PTPRD: variants seen among roughly 807,000 people sequenced by gnomAD.
The protein encoded by PTPRD is protein tyrosine phosphatase receptor type D, also known as receptor-type tyrosine-protein phosphatase delta.
In PTPRD, 34 loss-of-function variants were observed where a neutral mutation model predicts 214.5. The observed-to-expected ratio is 0.16, with a 90% CI of 0.12 to 0.21. PTPRD has a LOEUF of 0.21. Among genes scored for constraint, PTPRD ranks in the 10% least tolerant of loss-of-function variants. PTPRD has a pLI of 1.00. For synonymous variants in PTPRD, 1,128 were observed against 845.7 expected (o/e 1.33, Z -5.79); for missense variants, 2,545 against 2,398.7 (o/e 1.06, Z -1.27).
chr9:9,521,280 C>T (rs548611199), intron 8 of PTPRD, among the ~76,000 whole-genome samples: 1 of 152,238 alleles, frequency 6.6e-6, no homozygotes, highest in Middle Eastern at 3.4e-3. Flanking sequence ...CTCTCAATTT[C>T]GTGGTCTGCA....
chr9:9,655,932 T>A (rs1302903464), intron 7 of PTPRD, among the ~76,000 whole-genome samples: 1 of 152,038 alleles, frequency 6.6e-6, no homozygotes, highest in East Asian at 1.9e-4. Flanking sequence ...GAACCGAGAT[T>A]GCACCATCGC....
At position 10,459,815 on chromosome 9, in the gene PTPRD, G is replaced by A. The variant is rs190574091; in HGVS notation, c.-599-118798C>T. Among the ~76,000 whole-genome samples, 625 of 151,694 alleles carry A rather than the reference G, an allele frequency of 4.1e-3. 4 individuals are homozygous for A. The highest frequency in any genetic ancestry group is 0.014 in the African/African-American group (591 of 41,416). ...CTGGATATTAGCCCTTTGTCAGATGGATAGATTGCAAAATAAATTTATCAG... is the reference window on the plus strand; with the variant it reads ...CTGGATATTAGCCCTTTGTCAGATGAATAGATTGCAAAATAAATTTATCAG... On this transcript the variant is annotated intron_variant, in intron 2 of 45. Coordinates refer to ENST00000381196, the MANE Select transcript of PTPRD (RefSeq NM_002839.4).
intron 9 of PTPRD, among the ~76,000 whole-genome samples, chr9:9,390,452 G>A (rs1210179419): frequency 3.3e-5 from 5 of 152,136 alleles, no homozygotes; most frequent in African/African-American, 7.2e-5. Flanking sequence ...GGTAGATTCT[G>A]TCTTGCAGTT....
chr9:9,275,131 TATATAATATATATATAATATATTA>T (rs2133147003), intron 9 of PTPRD, among the ~76,000 whole-genome samples: 1 of 54,378 alleles, frequency 1.8e-5, no homozygotes, highest in African/African-American at 7.8e-5. Context: ...ATATATATTA[TATATAATATATATATAATATATTA>T]TATATATAAC....
chr9:10,465,473 G>C (rs1426261724), intron 2 of PTPRD, among the ~76,000 whole-genome samples: 1 of 152,110 alleles, frequency 6.6e-6, no homozygotes, highest in Non-Finnish European at 1.5e-5. Context: ...CTACTAAAGA[G>C]TGTCGTCATG....
intron 8 of PTPRD, among the ~76,000 whole-genome samples, chr9:9,493,137 G>A (rs2095995865): frequency 6.6e-6 from 1 of 151,666 alleles, no homozygotes; most frequent in South Asian, 2.1e-4. Flanking sequence ...ATCTCTCACT[G>A]TAAATAAAGA....
chr9:10,230,891 T>C (rs1228276395), intron 3 of PTPRD, among the ~76,000 whole-genome samples: 1 of 152,058 alleles, frequency 6.6e-6, no homozygotes, highest in Non-Finnish European at 1.5e-5. Flanking sequence ...GTTTAAAGTT[T>C]GTTTTACATA....
chr9:9,473,816 CTT>C (rs71319224), intron 8 of PTPRD, among the ~76,000 whole-genome samples: 9 of 143,860 alleles, frequency 6.3e-5, no homozygotes, highest in African/African-American at 1.0e-4. Context: ...GTTTTAAAAT[CTT>C]TTTTTTTTTT....
At chr9:9,815,870 G>C (rs2048596663) in intron 5 of PTPRD, among the ~76,000 whole-genome samples, 1 of 152,108 alleles carries the variant, frequency 6.6e-6, no homozygotes. Context: ...TTTTACTTAA[G>C]ATTTTCTAAG....
chr9:9,662,085 T>C (rs2096632603), intron 7 of PTPRD, among the ~76,000 whole-genome samples: 1 of 151,778 alleles, frequency 6.6e-6, no homozygotes, highest in South Asian at 2.1e-4. Flanking sequence ...AAATACTATA[T>C]GAGAAATTAC....
intron 10 of PTPRD, among the ~76,000 whole-genome samples, chr9:9,118,658 G>A (rs892345518): frequency 1.3e-5 from 2 of 152,106 alleles, no homozygotes; most frequent in African/African-American, 4.8e-5. Flanking sequence ...CTATTGAGAC[G>A]ACAGGGTTTT....
intron 2 of PTPRD, among the ~76,000 whole-genome samples, chr9:10,577,467 G>A (rs774104604): frequency 3.3e-5 from 5 of 152,268 alleles, no homozygotes; most frequent in Non-Finnish European, 5.9e-5. Context: ...GATATTGACT[G>A]GATCATGTCT....
chr9:10,565,610 C>T (rs1156799460), intron 2 of PTPRD, among the ~76,000 whole-genome samples: 1 of 152,034 alleles, frequency 6.6e-6, no homozygotes, highest in Admixed American at 6.6e-5. Flanking sequence ...CACAAACACA[C>T]CCCTTTGGAT....
chr9:10,328,413 GC>G (rs1177200565), intron 3 of PTPRD, among the ~76,000 whole-genome samples: 1 of 151,710 alleles, frequency 6.6e-6, no homozygotes, highest in African/African-American at 2.4e-5. Context: ...AGTAAGAGCA[GC>G]TTTTTATGGT....
At chr9:9,823,976 A>G (rs1471655446) in intron 5 of PTPRD, among the ~76,000 whole-genome samples, 1 of 152,072 alleles carries the variant, frequency 6.6e-6, no homozygotes, top group Non-Finnish European at 1.5e-5. Context: ...TATCACATGT[A>G]CCCCATAAAT....
At chr9:9,838,114 C>T (rs1237666515) in intron 5 of PTPRD, among the ~76,000 whole-genome samples, 1 of 152,170 alleles carries the variant, frequency 6.6e-6, no homozygotes, top group South Asian at 2.1e-4. Context: ...TTTTTTATGG[C>T]CGCCTAGTAT....
intron 32 of PTPRD, among the ~76,000 whole-genome samples, chr9:8,464,628 A>T (rs2096503326): frequency 6.6e-6 from 1 of 151,926 alleles, no homozygotes; most frequent in Non-Finnish European, 1.5e-5. Context: ...CACCGATTAG[A>T]AAACGAAGTT....
intron 10 of PTPRD, among the ~76,000 whole-genome samples, chr9:9,112,880 AC>A (rs1419884663): frequency 1.3e-5 from 2 of 151,826 alleles, no homozygotes; most frequent in African/African-American, 4.8e-5. Context: ...TCGATTACAA[AC>A]CTTTGATGAG....
chr9:9,374,637 C>A (rs567716538), intron 9 of PTPRD, among the ~76,000 whole-genome samples: 1 of 152,128 alleles, frequency 6.6e-6, no homozygotes, highest in Non-Finnish European at 1.5e-5. Flanking sequence ...TTATTTCTCC[C>A]AGGTTAAAAC....
Sources: gnomAD v4.1 joint callset for allele counts (sites outside exome capture counted in the v4.1 genomes callset) on GRCh38, gnomAD v4.1.1 for gene constraint, MANE v1.5 for transcripts, NCBI Gene and HGNC (gene_info 2026-07-23, HGNC 2026-07-21) for gene names.